Variants in LARP1B observed in about 807,000 individuals in gnomAD.
The protein encoded by LARP1B is la-related protein 1B.
A neutral mutation model predicts 114.2 loss-of-function variants in LARP1B; 76 were observed. The ratio of observed to expected loss-of-function variants is 0.67; its 90% CI spans 0.55 to 0.81. The LOEUF is 0.81. Among genes scored for constraint, LARP1B ranks in the 30% least tolerant of loss-of-function variants. The pLI is 0.00. For synonymous variants in LARP1B, 345 were observed against 348.0 expected (o/e 0.99, Z 0.10); for missense variants, 1,014 against 1,075.8 (o/e 0.94, Z 0.80).
intron 8 of LARP1B, among the ~76,000 whole-genome samples, chr4:128,105,638 A>G (rs920817018): frequency 2.6e-5 from 4 of 152,152 alleles, no homozygotes; most frequent in African/African-American, 9.7e-5. Context: ...CACACCTGTA[A>G]TCCTGCATTT....
chr4:128,161,260 C>T (rs1452797565), intron 11 of LARP1B, among the ~76,000 whole-genome samples: 1 of 152,116 alleles, frequency 6.6e-6, no homozygotes, highest in African/African-American at 2.4e-5. Flanking sequence ...CACCTGTGGC[C>T]AAGTGAACTT....
intron 1 of LARP1B, among the ~76,000 whole-genome samples, chr4:128,066,859 C>T (rs139514092): frequency 0.023 from 3,491 of 148,738 alleles, 71 homozygotes; most frequent in Non-Finnish European, 0.034. Context: ...TGCAATGGCG[C>T]GATCTTGGCT....
At chr4:128,167,936 A>C (rs1741855759) in intron 12 of LARP1B, among the ~76,000 whole-genome samples, 1 of 152,044 alleles carries the variant, frequency 6.6e-6, no homozygotes, top group African/African-American at 2.4e-5. Context: ...TTTCAGATTT[A>C]TTCATGCTTT....
At chr4:128,084,590 G>A (rs953145565) in intron 5 of LARP1B, among the ~76,000 whole-genome samples, 1 of 144,260 alleles carries the variant, frequency 6.9e-6, no homozygotes. Context: ...GTCCAGCTTC[G>A]GCTCGGCATC....
At chr4:128,214,609 C>A (rs1277118652), downstream of LARP1B, among the ~76,000 whole-genome samples, 3 of 142,320 alleles carry the variant, frequency 2.1e-5, no homozygotes, top group Admixed American at 7.2e-5. Context: ...AAACTAACAA[C>A]CAGAAAGGAC....
chr4:128,173,865 G>A (rs545987618), intron 12 of LARP1B, among the ~76,000 whole-genome samples: 22 of 152,186 alleles, frequency 1.4e-4, no homozygotes, highest in African/African-American at 4.8e-4. Flanking sequence ...ACCACAGTCC[G>A]GTTTTAGAAC....
At chr4:128,102,238 A>G (rs1427263056) in intron 8 of LARP1B, among the ~76,000 whole-genome samples, 1 of 152,226 alleles carries the variant, frequency 6.6e-6, no homozygotes, top group Non-Finnish European at 1.5e-5. Context: ...TAGGCATTGT[A>G]GTGTTAACAT....
chr4:128,164,159 T>C (rs999166990), intron 12 of LARP1B, among the ~76,000 whole-genome samples: 1 of 152,048 alleles, frequency 6.6e-6, no homozygotes, highest in Non-Finnish European at 1.5e-5. Context: ...ATTTATTTGC[T>C]AATCCTATGA....
Position 128,125,302 on chromosome 4 carries a change from A to T in LARP1B, c.1524+3114A>T, listed in dbSNP as rs143157065. Among the ~76,000 whole-genome samples the T allele has an allele frequency of 2.9e-3, 443 of 152,060 alleles. 2 individuals are homozygous for T. The highest frequency in any genetic ancestry group is 0.01 in the African/African-American group (415 of 41,466). On this transcript the variant is annotated intron_variant, in intron 11 of 19. Coordinates refer to ENST00000326639, the MANE Select transcript of LARP1B (RefSeq NM_018078.4). ...AATTGGTACCCAAAAGTGCACCAAG[A>T]TCTCACAGATCACTACTAAATAACT...
chr4:128,074,814 C>T, intron 2 of LARP1B, 120 bp from the exon 3 acceptor site: 14 of 624,546 alleles, frequency 2.2e-5, no homozygotes, highest in South Asian at 1.0e-4. Context: ...TGGCAGATGC[C>T]TGCATATAAC....
At chr4:128,157,325 G>A (rs931886128) in intron 11 of LARP1B, among the ~76,000 whole-genome samples, 1 of 152,084 alleles carries the variant, frequency 6.6e-6, no homozygotes, top group Non-Finnish European at 1.5e-5. Flanking sequence ...CCAGAGTGAA[G>A]CATTGAGCAA....
chr4:128,176,887 T>A lies in LARP1B; in HGVS notation c.1664T>A (p.Val555Glu). 6.2e-7 allele frequency: 1 copy of A among 1,613,518 alleles called. No individual in the cohort carries two copies. Among genetic ancestry groups the A allele is most frequent in the Non-Finnish European group, 8.5e-7 (1 of 1,179,760 alleles). Residue 555 changes from valine (V) to glutamate (E), a missense_variant, in exon 13 of 20, where the codon GTG becomes GAG. By Grantham distance (121) the Val-to-Glu change is moderately radical. Coordinates refer to ENST00000326639, the MANE Select transcript of LARP1B (RefSeq NM_018078.4). Reference protein sequence around the residue: ...SQSRQGGVQGVLHIPKKDLTD... With the variant: ...SQSRQGGVQGELHIPKKDLTD... ...CTCTTGGCAGGAGGTGTTCAAGGAG[T>A]GCTTCACATTCCCAAGAAAGGTAAC... is the stretch of plus-strand genomic sequence containing the variant.
At chr4:128,125,197 AGCTACCCAAAACGG>A (rs1406811331) in intron 11 of LARP1B, among the ~76,000 whole-genome samples, 5 of 152,150 alleles carry the variant, frequency 3.3e-5, no homozygotes, top group Non-Finnish European at 1.5e-5. Flanking sequence ...CCTTTGTAGA[AGCTACCCAAAACGG>A]GTAAAAACCA....
intron 9 of LARP1B, chr4:128,108,065 A>G (rs940747059): frequency 6.2e-6 from 9 of 1,456,162 alleles, no homozygotes; most frequent in African/African-American, 4.3e-5. Context: ...AGTTGGGCCA[A>G]CACTGCAGTG....
At chr4:128,209,451 A>AAAACACTCGGGCTACAGAGTGAGACTCC (rs1378745613) in intron 19 of LARP1B, among the ~76,000 whole-genome samples, 1 of 152,066 alleles carries the variant, frequency 6.6e-6, no homozygotes, top group Non-Finnish European at 1.5e-5. Flanking sequence ...GCAAACAAAA[A>AAAACACTCGGGCTACAGAGTGAGACTCC]AAACACTCGG....
intron 15 of LARP1B, among the ~76,000 whole-genome samples, chr4:128,197,462 G>A (rs1367403320): frequency 2.0e-5 from 3 of 152,148 alleles, no homozygotes; most frequent in Non-Finnish European, 2.9e-5. Flanking sequence ...TTGGGAGGCC[G>A]AGGCGGGCAG....
At chr4:128,219,150 T>G (rs1182271246) in intron 6 of LARP1B, among the ~76,000 whole-genome samples, 1 of 150,936 alleles carries the variant, frequency 6.6e-6, no homozygotes, top group Non-Finnish European at 1.5e-5. Flanking sequence ...AAACAACAGG[T>G]GCTGGAGAGG....
At chr4:128,166,997 CACACACATATATATACATATATACAT>C (rs1741323577) in intron 12 of LARP1B, among the ~76,000 whole-genome samples, 1 of 145,990 alleles carries the variant, frequency 6.8e-6, no homozygotes, top group Non-Finnish European at 1.5e-5. Flanking sequence ...TATATATACA[CACACACATATATATACATATATACAT>C]ACACACGTGT....
rs763434674 is a variant in LARP1B, at chr4:128,178,501, G to T, written c.1755G>T (p.Ser585=). ...TAACTTCAGCAGCAATGGTTCATTC[G>T]TTGCCTACAGCAGTTCCAGAATCTC... ...SEITSAAMVH[S]LPTAVPESPR... Residue 585 remains serine, a synonymous_variant, in exon 14 of 20, where the codon TCG becomes TCT. Transcript: ENST00000326639. 6.2e-7 allele frequency: 1 copy of T among 1,613,870 alleles called. No individual in the cohort carries two copies. The highest frequency in any genetic ancestry group is 1.7e-5 in the Admixed American group (1 of 59,994).
Sources: gnomAD v4.1 joint callset for allele counts (sites outside exome capture counted in the v4.1 genomes callset) on GRCh38, gnomAD v4.1.1 for gene constraint, MANE v1.5 for transcripts, NCBI Gene and HGNC (gene_info 2026-07-23, HGNC 2026-07-21) for gene names.